MTSS2: variants seen among roughly 807,000 people sequenced by gnomAD.
MTSS2 encodes protein MTSS 2.
MTSS2 carries 27 observed loss-of-function variants against 67.1 expected under a neutral mutation model. That is an observed-to-expected ratio of 0.40 (90% CI 0.30 to 0.55). MTSS2 has a LOEUF of 0.55. MTSS2 is among the 20% of genes least tolerant of loss of function. The probability of loss-of-function intolerance (pLI) is 0.43; values close to 1 mark genes in which losing one functional copy is unlikely to be tolerated. For synonymous variants in MTSS2, 624 were observed against 468.6 expected, an observed-to-expected ratio of 1.33 and a Z score of -4.28; for missense variants, 1,171 against 1,067.8, an observed-to-expected ratio of 1.10 and a Z score of -1.35.
intron 11 of MTSS2, among the ~76,000 whole-genome samples, chr16:70,671,190 G>A (rs573314930): frequency 2.0e-5 from 3 of 151,948 alleles, no homozygotes; most frequent in South Asian, 2.1e-4. Context: ...TGGCACAGGC[G>A]GATCACTTGA....
rs1160987383 is a variant in MTSS2, at chr16:70,685,756, G to C, written c.36C>G (p.Gly12=). 4 of 1,391,494 alleles carry C rather than the reference G, an allele frequency of 2.9e-6. No homozygotes were observed. The highest frequency in any genetic ancestry group is 3.8e-6 in the Non-Finnish European group (4 of 1,053,372). The allele number at this position is 1,391,494 out of a possible 1,614,324, so 86.2% of individuals were successfully genotyped here. Residue 12 remains glycine, a synonymous_variant, in exon 1 of 15, where the codon GGC becomes GGG. Transcript: ENST00000338779. ...CGTTGACTATGGCCTGGAAGAGCCC[G>C]CCCAGGGCGCCGCACTCCTTCTCCG... ...ETAEKECGAL[G]GLFQAIVNDM...
At position 70,665,081 on chromosome 16, in the gene MTSS2, C is replaced by G. The variant is rs765890015; in HGVS notation, c.1144G>C (p.Gly382Arg). 57 of 1,596,698 alleles carry G rather than the reference C, an allele frequency of 3.6e-5. 1 individual carries two copies. The highest frequency in any genetic ancestry group is 3.4e-4 in the Middle Eastern group (2 of 5,864). ...GCGCCTGAGGGCTGCTCATGGGAGC[C>G]GACCTTGGACCAGTCCTGCAGGGAG... ...SSPTSDWSKV[G>R]SHEQPSGATL... is the part of the protein sequence containing the mutation. Residue 382 changes from glycine (G) to arginine (R), a missense_variant, in exon 13 of 15, where the codon GGC (glycine) becomes CGC (arginine). Physicochemically the swap from Gly to Arg is moderately radical, Grantham distance 125. This residue lies in a region of MTSS2 where 924 missense variants were observed against 756.0 expected (regional missense o/e 1.22). Transcript: ENST00000338779.
intron 11 of MTSS2, among the ~76,000 whole-genome samples, chr16:70,666,077 G>A (rs369292166): frequency 6.6e-6 from 1 of 152,198 alleles, no homozygotes; most frequent in Non-Finnish European, 1.5e-5. Context: ...GGTGGGATGA[G>A]GCCACCAGGC....
intron 12 of MTSS2, 105 bp from the exon 13 acceptor site, chr16:70,665,201 G>A (rs748474175): frequency 3.0e-6 from 4 of 1,337,434 alleles, no homozygotes; most frequent in South Asian, 1.5e-5. Context: ...GCTATCAGGG[G>A]GTCTCTGGTT....
At position 70,681,090 on chromosome 16, in the gene MTSS2, G is replaced by A. The variant is rs142078141; in HGVS notation, c.70-65C>T. On this transcript the variant is annotated intron_variant, in intron 1 of 14. Transcript: ENST00000338779. ...GTGGTTGCAGGGCTTGACCTGGGCC[G>A]GGCTCCCTGCATGCTCCATCCAGAC... is the stretch of plus-strand genomic sequence containing the variant. 2,612 of 1,467,290 alleles carry A rather than the reference G, an allele frequency of 1.8e-3. 59 individuals are homozygous for A. The East Asian group carries it at 0.053, about 30-fold the overall frequency. 90.9% of individuals were successfully genotyped at this position (1,467,290 alleles called of 1,614,324 possible).
chr16:70,664,396 G>T lies in MTSS2; in HGVS notation c.1525C>A (p.Pro509Thr). The T allele has an allele frequency of 6.4e-7, 1 of 1,560,344 alleles. No homozygotes were observed. The highest frequency in any genetic ancestry group is 8.6e-7 in the Non-Finnish European group (1 of 1,158,212). ...ATGGTGGATGACTTGTCAAACTCGG[G>T]CGGGCCCTCGCTGTCCGCATCCCCA... ...VNGDADSEGP[P>T]EFDKSSTIPR... The change falls in exon 15 of 15, where the codon CCC becomes ACC. Residue 509 changes from proline to threonine, a missense_variant. Pro to Thr is a conservative substitution (Grantham distance 38). Transcript: ENST00000338779.
At position 70,663,889 on chromosome 16, in the gene MTSS2, G is replaced by A. The variant is rs1427907797; in HGVS notation, c.2032C>T (p.Leu678=). ...TGGGCACCCGCCACCAGCTCCCCCAGCTTCTCCACCAGGCTGTGCCGGTTG... is the reference window on the plus strand; with the variant it reads ...TGGGCACCCGCCACCAGCTCCCCCAACTTCTCCACCAGGCTGTGCCGGTTG... The part of the protein sequence containing the change: ...AANRHSLVEK[L]GELVAGAHAL... Residue 678 remains leucine, a synonymous_variant, in exon 15 of 15, where the codon CTG becomes TTG. Coordinates refer to ENST00000338779, the MANE Select transcript of MTSS2 (RefSeq NM_138383.3). 1.3e-6 allele frequency: 2 copies of A among 1,547,136 alleles called. No individual in the cohort carries two copies. The highest frequency in any genetic ancestry group is 1.4e-5 in the African/African-American group (1 of 73,252).
rs1296869896 is a variant in MTSS2 at position 70,661,358 on chromosome 16, T to TG, written c.*2318dup. The TG allele has an allele frequency of 5.4e-6, 2 of 372,250 alleles. No homozygotes were observed. Among genetic ancestry groups the TG allele is most frequent in the East Asian group, 1.9e-4 (2 of 10,496 alleles). The allele number at this position is 372,250 out of a possible 1,614,324, so 23.1% of individuals were successfully genotyped here. On this transcript the variant is annotated 3_prime_UTR_variant, in exon 15 of 15. Transcript: ENST00000338779. Reference sequence around the variant, plus strand: ...ATCTGACGGAAAGAAAAGAAACAAATGGTTCAGATGGGACGGAGGGTGGGG... The same window carrying TG: ...ATCTGACGGAAAGAAAAGAAACAAATGGGTTCAGATGGGACGGAGGGTGGGG...
rs757108365 is a variant in MTSS2 at position 70,674,493 on chromosome 16, C to T, written c.866G>A (p.Gly289Glu). 3.7e-6 allele frequency: 6 copies of T among 1,613,712 alleles called. No individual in the cohort carries two copies. In the Admixed American group the frequency reaches 5.0e-5, roughly 13 times the overall value. The change falls in exon 11 of 15, where the codon GGA (glycine) becomes GAA (glutamate). Residue 289 changes from glycine (G) to glutamate (E), a missense_variant. By Grantham distance (98) the Gly-to-Glu change is moderately conservative. Transcript: ENST00000338779. ...TTGGGCACCCCCAGGCCATGGGGCT[C>T]CGCCACCCTTGGCACTGCTACTGCT... ...PSSSSSAKGGGAPWPGGAQTY... is the reference protein window; with the variant it reads ...PSSSSSAKGGEAPWPGGAQTY...
intron 9 of MTSS2, 33 bp downstream of exon 9, chr16:70,677,758 CT>C: frequency 6.5e-7 from 1 of 1,550,370 alleles, no homozygotes; most frequent in Non-Finnish European, 8.8e-7. Context: ...CTCCCTGCCC[CT>C]GGCCCTGGCC....
chr16:70,677,000 G>C (rs2053137837), intron 9 of MTSS2, 22 bp from the exon 10 acceptor site: 1 of 1,591,518 alleles, frequency 6.3e-7, no homozygotes, highest in Non-Finnish European at 8.6e-7. Flanking sequence ...CATGGATGGG[G>C]GTCACTGGAG....
At chr16:70,676,142 G>A (rs1326730077) in intron 10 of MTSS2, among the ~76,000 whole-genome samples, 1 of 152,200 alleles carries the variant, frequency 6.6e-6, no homozygotes, top group East Asian at 1.9e-4. Flanking sequence ...GCAAAGGGGG[G>A]CCCCCACCAG....
intron 12 of MTSS2, 52 bp downstream of exon 12, chr16:70,665,414 G>A (rs983516168): frequency 1.3e-5 from 20 of 1,513,888 alleles, no homozygotes; most frequent in Admixed American, 9.9e-5. Flanking sequence ...GGGAGGGCAT[G>A]GATGGGAGGG....
intron 11 of MTSS2, among the ~76,000 whole-genome samples, chr16:70,668,138 T>C (rs796959956): frequency 6.6e-6 from 1 of 151,782 alleles, no homozygotes; most frequent in African/African-American, 2.4e-5. Context: ...TCTGGCTGGG[T>C]GCAGTGGCTA....
chr16:70,666,391 A>G (rs1355348702), intron 11 of MTSS2, among the ~76,000 whole-genome samples: 1 of 152,210 alleles, frequency 6.6e-6, no homozygotes, highest in Admixed American at 6.5e-5. Context: ...CCCCACTCCT[A>G]AACAACTACA....
Position 70,664,258 on chromosome 16 carries a change from A to C in MTSS2, c.1663T>G (p.Ser555Ala), listed in dbSNP as rs2052609914. Residue 555 changes from serine (S) to alanine (A), a missense_variant, in exon 15 of 15, where the codon TCG becomes GCG. Ser to Ala is a moderately conservative substitution (Grantham distance 99). Coordinates refer to ENST00000338779, the MANE Select transcript of MTSS2 (RefSeq NM_138383.3). ...GTGGCCACGCCGGGGGGTGCGCCCG[A>C]GGGCAGGCCAGTGGCCGTGGGCAGC... Reference protein sequence around the residue: ...AGLPTATGLPSGAPPGVATIR... With the variant: ...AGLPTATGLPAGAPPGVATIR... 5 of 1,557,242 alleles carry C rather than the reference A, an allele frequency of 3.2e-6. No individual in the cohort carries two copies. The highest frequency in any genetic ancestry group is 4.3e-6 in the Non-Finnish European group (5 of 1,158,996).
chr16:70,685,389 C>G (rs1179742866), intron 1 of MTSS2, among the ~76,000 whole-genome samples: 3 of 152,184 alleles, frequency 2.0e-5, no homozygotes, highest in Non-Finnish European at 4.4e-5. Flanking sequence ...AGACCCCGGA[C>G]TCGTTAAAGG....
intron 11 of MTSS2, among the ~76,000 whole-genome samples, chr16:70,671,285 C>T (rs1195762760): frequency 2.6e-5 from 4 of 151,666 alleles, no homozygotes; most frequent in Non-Finnish European, 5.9e-5. Context: ...TGCCTGTAAT[C>T]CCAGCTACTT....
rs765313991 is a variant in MTSS2, at chr16:70,661,690, C to T, written c.*1987G>A. The stretch of plus-strand genomic sequence containing the variant: ...AGGGGATGGAGTAGAGTATGTACAG[C>T]CCCCGGGGCTCACAGGGGAGGGGGA... On this transcript the variant is annotated 3_prime_UTR_variant, in exon 15 of 15. Coordinates refer to ENST00000338779, the MANE Select transcript of MTSS2 (RefSeq NM_138383.3). The T allele has an allele frequency of 3.9e-6, 1 of 257,316 alleles. No homozygotes were observed. Among genetic ancestry groups the T allele is most frequent in the Admixed American group, 5.2e-5 (1 of 19,396 alleles). The allele number at this position is 257,316 out of a possible 1,614,324, so 15.9% of individuals were successfully genotyped here.
Sources: gnomAD v4.1 joint callset for allele counts (sites outside exome capture counted in the v4.1 genomes callset) on GRCh38, gnomAD v4.1.1 for gene constraint, gnomAD v4.1.1 regional missense constraint, MANE v1.5 for transcripts, NCBI Gene and HGNC (gene_info 2026-07-23, HGNC 2026-07-21) for gene names.